The following PLXDC2 variants were observed in gnomAD, a reference collection of about 807,000 sequenced individuals.
The protein encoded by PLXDC2 is plexin domain-containing protein 2.
In PLXDC2, 40 loss-of-function variants were observed where a neutral mutation model predicts 68.9. The observed-to-expected ratio is 0.58, with a 90% confidence interval of 0.45 to 0.76. The LOEUF is 0.76. Among genes scored for constraint, PLXDC2 ranks in the 30% least tolerant of loss-of-function variants. The probability of loss-of-function intolerance (pLI) is 0.00; values close to 1 mark genes in which losing one functional copy is unlikely to be tolerated. For missense variants in PLXDC2, 644 were observed against 661.9 expected (o/e 0.97, Z 0.30); for synonymous variants, 243 against 234.2 (o/e 1.04, Z -0.34).
intron 1 of PLXDC2, among the ~76,000 whole-genome samples, chr10:19,921,470 G>T (rs1011962935): frequency 4.6e-5 from 7 of 152,136 alleles, no homozygotes; most frequent in Non-Finnish European, 1.5e-5. Context: ...TAGGGATTTG[G>T]CAAGTATTCT....
At chr10:19,837,450 G>A (rs1292162250) in intron 1 of PLXDC2, among the ~76,000 whole-genome samples, 1 of 151,482 alleles carries the variant, frequency 6.6e-6, no homozygotes, top group African/African-American at 2.4e-5. Context: ...GTGTGTATGT[G>A]TGTGTTGGTG....
chr10:20,270,968 AG>A, intron 13 of PLXDC2, among the ~76,000 whole-genome samples: 1 of 151,164 alleles, frequency 6.6e-6, no homozygotes, highest in East Asian at 1.9e-4. Flanking sequence ...GAAAAAAAAA[AG>A]GAATGGATAT....
At chr10:20,242,855 G>A (rs948307175) in intron 12 of PLXDC2, among the ~76,000 whole-genome samples, 10 of 152,026 alleles carry the variant, frequency 6.6e-5, no homozygotes, top group Non-Finnish European at 1.3e-4. Flanking sequence ...GATTATAGGC[G>A]CCCGCCACCA....
intron 7 of PLXDC2, among the ~76,000 whole-genome samples, chr10:20,167,668 A>G (rs1160609506): frequency 1.3e-5 from 2 of 152,148 alleles, no homozygotes; most frequent in Admixed American, 6.6e-5. Flanking sequence ...CCCTGTTCTC[A>G]TAAGATCAGT....
chr10:20,179,638 T>C (rs1396455154), intron 9 of PLXDC2, among the ~76,000 whole-genome samples: 1 of 152,116 alleles, frequency 6.6e-6, no homozygotes, highest in African/African-American at 2.4e-5. Context: ...GACCATTTCA[T>C]TTTTTAATAT....
At chr10:19,994,253 CTTTTTTTTTTT>C (rs528321973) in intron 1 of PLXDC2, among the ~76,000 whole-genome samples, 6 of 87,488 alleles carry the variant, frequency 6.9e-5, no homozygotes, top group East Asian at 6.0e-4. Flanking sequence ...TTGTATTCTC[CTTTTTTTTTTT>C]TTTTTTTTTT....
chr10:20,070,883 G>A (rs574329931), intron 4 of PLXDC2: 18 of 151,954 alleles, frequency 1.2e-4, no homozygotes, highest in African/African-American at 3.1e-4. Flanking sequence ...TTCTCCTAGC[G>A]GAACTGGCAG....
chr10:20,252,116 T>C (rs1260440646), intron 13 of PLXDC2, among the ~76,000 whole-genome samples: 3 of 152,228 alleles, frequency 2.0e-5, no homozygotes, highest in Admixed American at 1.3e-4. Context: ...GGGACTGATA[T>C]CGTGCAAGGG....
chr10:20,189,550 C>CAA (rs1186047258), intron 9 of PLXDC2, among the ~76,000 whole-genome samples: 1 of 129,110 alleles, frequency 7.7e-6, no homozygotes, highest in Non-Finnish European at 1.7e-5. Flanking sequence ...TATACACACA[C>CAA]ACACACATAT....
chr10:20,041,014 A>G (rs17688827), intron 2 of PLXDC2, among the ~76,000 whole-genome samples: 43,064 of 152,172 alleles, frequency 0.28, 8,081 homozygotes, highest in Middle Eastern at 0.45. Context: ...ATTCTGATTT[A>G]TAACCATAAT....
At chr10:19,995,606 G>C (rs539774367) in intron 1 of PLXDC2, among the ~76,000 whole-genome samples, 17 of 152,296 alleles carry the variant, frequency 1.1e-4, no homozygotes, top group African/African-American at 3.8e-4. Flanking sequence ...GATGGGAACC[G>C]TCCCTAAATC....
chr10:20,007,992 GT>G (rs1358422545), intron 2 of PLXDC2, among the ~76,000 whole-genome samples: 1 of 152,224 alleles, frequency 6.6e-6, no homozygotes, highest in Non-Finnish European at 1.5e-5. Flanking sequence ...ACAAATATGT[GT>G]GATAGATTTA....
In PLXDC2 at chr10:20,056,113, G is replaced by A. The variant is rs1198028078; in HGVS notation, c.471+9098G>A. Among the ~76,000 whole-genome samples, 4 of 152,122 alleles carry A rather than the reference G, an allele frequency of 2.6e-5. No individual in the cohort carries two copies. The East Asian group carries it at 7.7e-4, about 29-fold the overall frequency. On this transcript the variant is annotated intron_variant, in intron 3 of 13. Coordinates refer to ENST00000377252, the MANE Select transcript of PLXDC2 (RefSeq NM_032812.9). ...ATTTCATCCTGTACTATGTAGTTTT[G>A]ATAGTGATGTCTGTCCTGCCTACCA...
intron 4 of PLXDC2, among the ~76,000 whole-genome samples, chr10:20,072,503 G>GAAAGAAAGAAAGA (rs1564304733): frequency 1.2e-5 from 1 of 86,342 alleles, no homozygotes; most frequent in African/African-American, 1.1e-4. Flanking sequence ...GAGAAAGAAA[G>GAAAGAAAGAAAGA]AAAGAAAGAA....
intron 1 of PLXDC2, among the ~76,000 whole-genome samples, chr10:19,847,059 TC>T (rs1255213634): frequency 6.6e-6 from 1 of 151,734 alleles, no homozygotes; most frequent in Non-Finnish European, 1.5e-5. Context: ...TTCAGTTACC[TC>T]CCCCCGGGTC....
chr10:20,055,423 C>G (rs60196313), intron 3 of PLXDC2, among the ~76,000 whole-genome samples: 1 of 151,728 alleles, frequency 6.6e-6, no homozygotes, highest in Non-Finnish European at 1.5e-5. Context: ...TTTTTCTTTG[C>G]GTCCAAAAAT....
At chr10:20,192,714 T>C (rs1191446595) in intron 9 of PLXDC2, among the ~76,000 whole-genome samples, 1 of 152,024 alleles carries the variant, frequency 6.6e-6, no homozygotes, top group African/African-American at 2.4e-5. Context: ...GAGAGAATAA[T>C]CTTTGATGTT....
intron 12 of PLXDC2, among the ~76,000 whole-genome samples, chr10:20,244,593 T>C (rs758722852): frequency 2.6e-5 from 4 of 152,210 alleles, no homozygotes; most frequent in Non-Finnish European, 5.9e-5. Context: ...TGCACAGACT[T>C]TCTGAAAATG....
chr10:20,117,481 C>T (rs1833637389), intron 4 of PLXDC2, among the ~76,000 whole-genome samples: 1 of 152,168 alleles, frequency 6.6e-6, no homozygotes, highest in Admixed American at 6.5e-5. Flanking sequence ...CAGTGATTTT[C>T]ACACATTCAA....
Sources: gnomAD v4.1 joint callset for allele counts (sites outside exome capture counted in the v4.1 genomes callset) on GRCh38, gnomAD v4.1.1 for gene constraint, MANE v1.5 for transcripts, NCBI Gene and HGNC (gene_info 2026-07-23, HGNC 2026-07-21) for gene names.